Variants in CREB5 observed in about 807,000 individuals in gnomAD.
CREB5 encodes cyclic AMP-responsive element-binding protein 5.
Under a neutral mutation model 57.1 loss-of-function variants are expected in CREB5, and 19 were observed. The ratio of observed to expected loss-of-function variants is 0.33; its 90% CI spans 0.23 to 0.49. The LOEUF (loss-of-function observed/expected upper bound fraction) is 0.49. CREB5 is among the 20% of genes least tolerant of loss of function. The pLI is 0.99. For synonymous variants in CREB5, 238 were observed against 238.3 expected (o/e 1.00, Z 0.01); for missense variants, 579 against 671.6 (o/e 0.86, Z 1.52).
rs1197237571 is a variant in CREB5, at chr7:28,535,352, A to ATGGAAGGGAGGAAAGG, written c.291+27629_291+27644dup. Reference sequence around the variant, plus strand: ...GAGGGAAGGAAAGAAGGAGGGAAGGATGGAAGGGAGGAAAGGTGGAAGGGA... The same window carrying ATGGAAGGGAGGAAAGG: ...GAGGGAAGGAAAGAAGGAGGGAAGGATGGAAGGGAGGAAAGGTGGAAGGGAGGAAAGGTGGAAGGGA... On this transcript the variant is annotated intron_variant, in intron 4 of 10. Coordinates refer to ENST00000357727, the MANE Select transcript of CREB5 (RefSeq NM_182898.4). Among the ~76,000 whole-genome samples the ATGGAAGGGAGGAAAGG allele has an allele frequency of 2.2e-5, 3 of 136,962 alleles. 1 individual carries two copies. Among genetic ancestry groups the ATGGAAGGGAGGAAAGG allele is most frequent in the Non-Finnish European group, 4.9e-5 (3 of 61,340 alleles). 89.9% of individuals were successfully genotyped at this position (136,962 alleles called of 152,430 possible).
At chr7:28,332,069 T>A (rs1333425095) in intron 1 of CREB5, among the ~76,000 whole-genome samples, 2 of 152,042 alleles carry the variant, frequency 1.3e-5, no homozygotes, top group Admixed American at 1.3e-4. Context: ...GACAAGTGAG[T>A]GTCCTTATTA....
chr7:28,330,584 C>T (rs192399500), intron 1 of CREB5, among the ~76,000 whole-genome samples: 89 of 150,240 alleles, frequency 5.9e-4, no homozygotes, highest in African/African-American at 2.0e-3. Flanking sequence ...GTTTGTAATA[C>T]GCTTAGATCT....
intron 1 of CREB5, among the ~76,000 whole-genome samples, chr7:28,471,090 A>G (rs1346810224): frequency 6.6e-6 from 1 of 152,134 alleles, no homozygotes; most frequent in East Asian, 1.9e-4. Context: ...ATATAATCCC[A>G]TTGGTCCATT....
At chr7:28,776,343 A>AT (rs1248498802) in intron 7 of CREB5, among the ~76,000 whole-genome samples, 1 of 145,880 alleles carries the variant, frequency 6.9e-6, no homozygotes, top group African/African-American at 2.5e-5. Context: ...GTCTCAAAAA[A>AT]AAAAAAAAGA....
At chr7:28,635,461 G>A (rs561300376) in intron 5 of CREB5, among the ~76,000 whole-genome samples, 4 of 152,160 alleles carry the variant, frequency 2.6e-5, no homozygotes, top group Non-Finnish European at 4.4e-5. Context: ...GCAAGATTAA[G>A]CACTTAATAT....
chr7:28,324,660 G>T (rs898076571), intron 1 of CREB5, among the ~76,000 whole-genome samples: 1 of 152,108 alleles, frequency 6.6e-6, no homozygotes, highest in South Asian at 2.1e-4. Flanking sequence ...TCATCCAACC[G>T]TAAGGTCTTC....
rs374568153 is a variant in CREB5 at position 28,341,159 on chromosome 7, C to T, written c.-25+41718C>T. ...GGGTAGATAGTTGTTCAATTTGGTG[C>T]TGCTGTGAGGATGATTGGTGGAGGC... On this transcript the variant is annotated intron_variant, in intron 1 of 9. Transcript: ENST00000396299. Among the ~76,000 whole-genome samples, 33 of 152,186 alleles carry T rather than the reference C, an allele frequency of 2.2e-4. 1 individual carries two copies. The South Asian group carries it at 6.6e-3, about 31-fold the overall frequency.
chr7:28,736,155 T>C (rs1803966892), intron 7 of CREB5, among the ~76,000 whole-genome samples: 1 of 151,956 alleles, frequency 6.6e-6, no homozygotes, highest in Non-Finnish European at 1.5e-5. Context: ...AAGCACTATA[T>C]GGTTTTTTGT....
At chr7:28,699,878 T>C (rs1033040662) in intron 5 of CREB5, among the ~76,000 whole-genome samples, 1 of 152,182 alleles carries the variant, frequency 6.6e-6, no homozygotes, top group Non-Finnish European at 1.5e-5. Flanking sequence ...CTCTCTCTAA[T>C]GCAAAAACGA....
intron 1 of CREB5, among the ~76,000 whole-genome samples, chr7:28,357,402 T>G (rs144072716): frequency 6.6e-6 from 1 of 152,232 alleles, no homozygotes; most frequent in African/African-American, 2.4e-5. Flanking sequence ...CCTGCCCATA[T>G]AACTTGTTGA....
chr7:28,481,114 T>G (rs930060863), intron 1 of CREB5, among the ~76,000 whole-genome samples: 2 of 152,134 alleles, frequency 1.3e-5, no homozygotes, highest in Non-Finnish European at 2.9e-5. Context: ...CCCCCAGCAC[T>G]CTCTCCTGTT....
intron 1 of CREB5, among the ~76,000 whole-genome samples, chr7:28,350,254 T>G (rs1018877286): frequency 3.3e-5 from 5 of 152,172 alleles, no homozygotes; most frequent in Non-Finnish European, 7.4e-5. Context: ...CCCTCCAACG[T>G]GTTCCATCCC....
chr7:28,499,176 G>A (rs1178903872), intron 3 of CREB5, among the ~76,000 whole-genome samples: 90 of 126,190 alleles, frequency 7.1e-4, no homozygotes, highest in Admixed American at 7.3e-4. Context: ...TTCTGTGCAG[G>A]AAAAAAAAAA....
At chr7:28,315,066 A>G (rs6953880) in intron 1 of CREB5, among the ~76,000 whole-genome samples, 9,924 of 152,268 alleles carry the variant, frequency 0.065, 620 homozygotes, top group African/African-American at 0.16. Flanking sequence ...AGGGTATCTT[A>G]TCTTATCCTT....
At chr7:28,513,214 T>C (rs1018977905) in intron 4 of CREB5, among the ~76,000 whole-genome samples, 3 of 152,174 alleles carry the variant, frequency 2.0e-5, no homozygotes, top group Non-Finnish European at 4.4e-5. Flanking sequence ...AAGGTATGAG[T>C]GGTGCTGGAT....
chr7:28,637,159 A>G lies in CREB5; in HGVS notation c.464+66622A>G, dbSNP rs140373028. Among the ~76,000 whole-genome samples, 479 of 152,252 alleles carry G rather than the reference A, an allele frequency of 3.1e-3. 3 individuals are homozygous for G. The highest frequency in any genetic ancestry group is 0.011 in the African/African-American group (452 of 41,552). ...ACAGAATGAAACCCTGTCTTAAAAA[A>G]CAAAACAAAAAAAGAAAGAAAAGAA... On this transcript the variant is annotated intron_variant, in intron 5 of 10. Transcript: ENST00000357727.
At chr7:28,435,091 CT>C (rs397702746) in intron 1 of CREB5, among the ~76,000 whole-genome samples, 269 of 132,726 alleles carry the variant, frequency 2.0e-3, no homozygotes, top group South Asian at 0.011. Flanking sequence ...GGCCACCTGG[CT>C]TTTTTTTTTT....
chr7:28,612,654 A>G (rs989322654), intron 5 of CREB5, among the ~76,000 whole-genome samples: 1 of 151,774 alleles, frequency 6.6e-6, no homozygotes, highest in African/African-American at 2.4e-5. Context: ...TTTCCAAGGA[A>G]AACATGGGGG....
intron 7 of CREB5, among the ~76,000 whole-genome samples, chr7:28,764,830 T>A (rs1805874894): frequency 6.6e-6 from 1 of 152,260 alleles, no homozygotes; most frequent in African/African-American, 2.4e-5. Context: ...GTTTAAAGAA[T>A]TTATTTCTGA....
Sources: gnomAD v4.1 joint callset for allele counts (sites outside exome capture counted in the v4.1 genomes callset) on GRCh38, gnomAD v4.1.1 for gene constraint, MANE v1.5 for transcripts, NCBI Gene and HGNC (gene_info 2026-07-23, HGNC 2026-07-21) for gene names.